Variants in EXTL3 observed in about 807,000 individuals in gnomAD.
The protein encoded by EXTL3 is exostosin like glycosyltransferase 3.
In EXTL3, 27 loss-of-function variants were observed where a neutral mutation model predicts 69.3. The observed-to-expected ratio is 0.39, with a 90% CI of 0.29 to 0.54. The LOEUF (loss-of-function observed/expected upper bound fraction) is 0.54. Ranked by LOEUF, EXTL3 falls within the 20% of genes least tolerant of loss-of-function variation. EXTL3 has a pLI of 0.69. For synonymous variants in EXTL3, 511 were observed against 499.4 expected, an observed-to-expected ratio of 1.02 and a Z score of -0.31; for missense variants, 1,003 against 1,231.8, an observed-to-expected ratio of 0.81 and a Z score of 2.78.
chr8:28,719,712 T>C (rs781017675), intron 3 of EXTL3, among the ~76,000 whole-genome samples: 5 of 152,240 alleles, frequency 3.3e-5, no homozygotes, highest in Non-Finnish European at 5.9e-5. Flanking sequence ...CAACTTTATG[T>C]CATTGAAATT....
chr8:28,751,765 C>T lies in EXTL3; in HGVS notation c.*899C>T, dbSNP rs1314455600. The T allele has an allele frequency of 6.6e-6, 1 of 152,268 alleles. No homozygotes were observed. Among genetic ancestry groups the T allele is most frequent in the Admixed American group, 6.5e-5 (1 of 15,282 alleles). 9.4% of individuals were successfully genotyped at this position (152,268 alleles called of 1,614,324 possible). On this transcript the variant is annotated 3_prime_UTR_variant, in exon 7 of 7. Transcript: ENST00000220562. ...GCCACTCCCAGATGGCTCTTTCTATCCTGCTCTTCTGTTGAAACACACGTG... is the reference window on the plus strand; with the variant it reads ...GCCACTCCCAGATGGCTCTTTCTATTCTGCTCTTCTGTTGAAACACACGTG...
chr8:28,741,596 A>C (rs555663518), intron 5 of EXTL3: 10 of 152,236 alleles, frequency 6.6e-5, no homozygotes, highest in Admixed American at 2.6e-4. Context: ...CAGTACAGGC[A>C]CATGCCACTA....
chr8:28,748,893 G>C (rs1389521193), intron 6 of EXTL3, among the ~76,000 whole-genome samples: 2 of 152,116 alleles, frequency 1.3e-5, no homozygotes, highest in Non-Finnish European at 2.9e-5. Context: ...AGGATTTCTT[G>C]AGGCCAGGAG....
chr8:28,625,009 C>A (rs1045090827), intron 1 of EXTL3, among the ~76,000 whole-genome samples: 1 of 152,196 alleles, frequency 6.6e-6, no homozygotes, highest in Non-Finnish European at 1.5e-5. Context: ...TCTTCCAATG[C>A]CTGTATGCTT....
rs189684666 is a variant in EXTL3, at chr8:28,632,539, A to G, written c.-53+9729A>G. On this transcript the variant is annotated intron_variant, in intron 1 of 6. Coordinates refer to the EXTL3 transcript ENST00000523149. ...GCCCTCTGCTAAGTGTTTTAACTGC[A>G]TTATCTCATTTATTCTTTTTTTTTT... is the stretch of plus-strand genomic sequence containing the variant. Among the ~76,000 whole-genome samples the G allele has an allele frequency of 3.0e-3, 446 of 149,978 alleles. 3 individuals carry two copies. Among genetic ancestry groups the G allele is most frequent in the African/African-American group, 9.5e-3 (386 of 40,566 alleles).
intron 1 of EXTL3, among the ~76,000 whole-genome samples, chr8:28,665,800 A>G (rs914136616): frequency 6.6e-6 from 1 of 151,832 alleles, no homozygotes; most frequent in African/African-American, 2.4e-5. Context: ...ACGCTTTTTT[A>G]TTCTTTTCTG....
At chr8:28,697,111 T>C (rs1184898489), upstream of EXTL3, 1 of 152,234 alleles carries the variant, frequency 6.6e-6, no homozygotes, top group African/African-American at 2.4e-5. Context: ...GTGGTAACTT[T>C]CATGGTGTGA....
intron 1 of EXTL3, among the ~76,000 whole-genome samples, chr8:28,701,933 T>TCCCCG (rs1800810201): frequency 6.6e-6 from 1 of 151,768 alleles, no homozygotes; most frequent in African/African-American, 2.4e-5. Context: ...GGGCACCCCC[T>TCCCCG]CCCCGCCCCC....
At chr8:28,725,953 T>TG (rs1239212764) in intron 3 of EXTL3, among the ~76,000 whole-genome samples, 2 of 150,376 alleles carry the variant, frequency 1.3e-5, no homozygotes, top group Non-Finnish European at 3.0e-5. Flanking sequence ...CATTTAGAAG[T>TG]GTTTTTTTTT....
At chr8:28,707,484 A>G (rs1026580363) in intron 1 of EXTL3, among the ~76,000 whole-genome samples, 1 of 152,250 alleles carries the variant, frequency 6.6e-6, no homozygotes, top group Non-Finnish European at 1.5e-5. Context: ...CCCATCTTCC[A>G]AGGGTATGTG....
intron 1 of EXTL3, among the ~76,000 whole-genome samples, chr8:28,671,566 C>T (rs1467949125): frequency 6.6e-6 from 1 of 151,880 alleles, no homozygotes; most frequent in Non-Finnish European, 1.5e-5. Flanking sequence ...TCTTGAACTC[C>T]TGACCTCAGG....
chr8:28,748,891 T>C (rs1801945721), intron 6 of EXTL3, among the ~76,000 whole-genome samples: 1 of 152,134 alleles, frequency 6.6e-6, no homozygotes, highest in African/African-American at 2.4e-5. Context: ...GGAGGATTTC[T>C]TGAGGCCAGG....
chr8:28,754,195 C>A lies in EXTL3; in HGVS notation c.*3329C>A, dbSNP rs142825248. 6.6e-6 allele frequency: 1 copy of A among 152,314 alleles called. No homozygotes were observed. The allele number at this position is 152,314 out of a possible 1,614,324, so 9.4% of individuals were successfully genotyped here. A position where few individuals can be genotyped will look rare whatever the true frequency, so the allele number is the denominator to read the frequency against. On this transcript the variant is annotated 3_prime_UTR_variant, in exon 7 of 7. Transcript: ENST00000220562. The stretch of plus-strand genomic sequence containing the variant: ...GGCACCTGTACCTGCACCGAGCTGA[C>A]GCTCCCTGACTGCAGAGCCCCATCC...
intron 3 of EXTL3, among the ~76,000 whole-genome samples, chr8:28,725,227 G>T (rs1211663090): frequency 6.6e-6 from 1 of 152,140 alleles, no homozygotes; most frequent in East Asian, 1.9e-4. Context: ...AATTTCATAG[G>T]TGGCAGGTTC....
chr8:28,658,053 G>T (rs577196142), intron 1 of EXTL3, among the ~76,000 whole-genome samples: 1 of 152,370 alleles, frequency 6.6e-6, no homozygotes, highest in Admixed American at 6.5e-5. Flanking sequence ...TCTGGCTGAT[G>T]CAGGGGCACC....
intron 1 of EXTL3, among the ~76,000 whole-genome samples, chr8:28,702,103 G>C (rs1212491373): frequency 2.6e-5 from 4 of 152,282 alleles, no homozygotes; most frequent in Non-Finnish European, 4.4e-5. Context: ...ATCTTCTGTC[G>C]GCGGAGGCGC....
intron 6 of EXTL3, among the ~76,000 whole-genome samples, chr8:28,749,798 A>ATC (rs111977529): frequency 5.2e-4 from 79 of 152,202 alleles, no homozygotes; most frequent in African/African-American, 1.8e-3. Context: ...GCAGCCTCCC[A>ATC]TCTCAGCCTC....
intron 1 of EXTL3, among the ~76,000 whole-genome samples, chr8:28,640,227 G>C (rs182910001): frequency 6.6e-6 from 1 of 152,242 alleles, no homozygotes; most frequent in Admixed American, 6.5e-5. Context: ...TTGTTGACTT[G>C]TACCATAAAA....
chr8:28,718,303 T>A, intron 3 of EXTL3, 96 bp downstream of exon 3: 1 of 1,231,536 alleles, frequency 8.1e-7, no homozygotes, highest in Non-Finnish European at 1.2e-6. Flanking sequence ...TCGTAACTTC[T>A]AGCAGAGGAG....
Sources: allele counts gnomAD v4.1 joint callset (sites outside exome capture counted in the v4.1 genomes callset), GRCh38; gene constraint gnomAD v4.1.1; transcripts MANE v1.5; gene names NCBI Gene and HGNC (gene_info 2026-07-23, HGNC 2026-07-21).